Variants in AGO4 observed in about 807,000 individuals in gnomAD.
The protein encoded by AGO4 is argonaute RISC component 4, also known as protein argonaute-4.
A neutral mutation model predicts 104.7 loss-of-function variants in AGO4; 33 were observed. The observed-to-expected ratio is 0.32, with a 90% CI of 0.24 to 0.42. The LOEUF (loss-of-function observed/expected upper bound fraction) is 0.42. Among genes scored for constraint, AGO4 ranks in the 10% least tolerant of loss-of-function variants. AGO4 has a pLI of 1.00. For missense variants in AGO4, 711 were observed against 1,083.4 expected (o/e 0.66, Z 4.83); for synonymous variants, 331 against 364.7 (o/e 0.91, Z 1.05).
At chr1:35,852,060 G>A (rs1196853117) in intron 17 of AGO4, among the ~76,000 whole-genome samples, 1 of 152,196 alleles carries the variant, frequency 6.6e-6, no homozygotes, top group Non-Finnish European at 1.5e-5. Context: ...AATTTTCAGG[G>A]CAGAGAGAAC....
At chr1:35,845,854 C>G (rs1470024328) in intron 15 of AGO4, among the ~76,000 whole-genome samples, 3 of 152,208 alleles carry the variant, frequency 2.0e-5, no homozygotes, top group African/African-American at 7.2e-5. Context: ...CATTGTGGCT[C>G]TGCTGCAGCT....
intron 13 of AGO4, among the ~76,000 whole-genome samples, chr1:35,836,273 A>T (rs1250328737): frequency 6.6e-6 from 1 of 152,216 alleles, no homozygotes; most frequent in Non-Finnish European, 1.5e-5. Context: ...ATATAAATGG[A>T]ATCATGCAGG....
chr1:35,812,483 A>G (rs1178366909), intron 1 of AGO4, among the ~76,000 whole-genome samples: 1 of 152,180 alleles, frequency 6.6e-6, no homozygotes, highest in East Asian at 1.9e-4. Flanking sequence ...GAGTTAGGAG[A>G]TTTGGATTCT....
intron 7 of AGO4, 44 bp from the exon 8 acceptor site, chr1:35,831,383 A>G (rs1644181249): frequency 6.4e-7 from 1 of 1,550,934 alleles, no homozygotes; most frequent in Non-Finnish European, 8.7e-7. Context: ...GAAGAAAAGA[A>G]AGAACTTGAA....
At chr1:35,819,317 C>A (rs894826999) in intron 2 of AGO4, among the ~76,000 whole-genome samples, 1 of 151,700 alleles carries the variant, frequency 6.6e-6, no homozygotes, top group Non-Finnish European at 1.5e-5. Context: ...TAGTGGAGAT[C>A]GGCTGTGGTA....
chr1:35,814,561 A>C (rs1643628510), intron 1 of AGO4, among the ~76,000 whole-genome samples: 2 of 148,490 alleles, frequency 1.3e-5, no homozygotes, highest in South Asian at 4.2e-4. Context: ...CGGTGTTTAT[A>C]AGAGTTTGCA....
chr1:35,824,802 A>G (rs1643971783), intron 3 of AGO4, among the ~76,000 whole-genome samples: 2 of 152,128 alleles, frequency 1.3e-5, no homozygotes, highest in Non-Finnish European at 2.9e-5. Flanking sequence ...CCCTGTCTCA[A>G]AAAAAACTTA....
Position 35,808,420 on chromosome 1 carries a change from G to A in AGO4, c.4G>A (p.Glu2Lys). M[E>K]ALGPGPPASL... ...CGAGGCGGCCCCCGCCGCCGCCATGGAGGCGCTGGGACCCGGTGAGGAGCG... is the reference window on the plus strand; with the variant it reads ...CGAGGCGGCCCCCGCCGCCGCCATGAAGGCGCTGGGACCCGGTGAGGAGCG... Residue 2 changes from glutamate (E) to lysine (K), a missense_variant, in exon 1 of 18, where the codon GAG becomes AAG. By Grantham distance (56) the Glu-to-Lys change is moderately conservative (BLOSUM62 1). Transcript: ENST00000373210. The surrounding 1 kb of genome is among the most constrained non-coding windows in gnomAD (Gnocchi z 5.2). The A allele has an allele frequency of 8.6e-7, 1 of 1,161,488 alleles. No individual in the cohort carries two copies. The highest frequency in any genetic ancestry group is 1.6e-5 in the African/African-American group (1 of 61,616). The allele number at this position is 1,161,488 out of a possible 1,614,324, so 71.9% of individuals were successfully genotyped here. A position where few individuals can be genotyped will look rare whatever the true frequency, so the allele number is the denominator to read the frequency against.
intron 2 of AGO4, among the ~76,000 whole-genome samples, chr1:35,820,797 G>A (rs571596259): frequency 6.6e-6 from 1 of 152,266 alleles, no homozygotes; most frequent in South Asian, 2.1e-4. Flanking sequence ...GAGCAGATCA[G>A]AGTACAAAGG....
At chr1:35,821,994 T>A (rs541384359) in intron 2 of AGO4, among the ~76,000 whole-genome samples, 2 of 152,066 alleles carry the variant, frequency 1.3e-5, no homozygotes, top group South Asian at 2.1e-4. Flanking sequence ...TTCAAGCGAT[T>A]CTCGTGCCTC....
At chr1:35,844,410 A>T (rs878986749) in intron 15 of AGO4, among the ~76,000 whole-genome samples, 2 of 152,104 alleles carry the variant, frequency 1.3e-5, no homozygotes, top group Non-Finnish European at 2.9e-5. Context: ...CAGGCCTTGG[A>T]TGCTGCCGTT....
chr1:35,837,248 A>C (rs1280354024), intron 13 of AGO4, among the ~76,000 whole-genome samples: 1 of 151,418 alleles, frequency 6.6e-6, no homozygotes, highest in Non-Finnish European at 1.5e-5. Flanking sequence ...ATGCCCCACT[A>C]TTTTTTTGTA....
At chr1:35,836,496 G>A (rs961898489) in intron 13 of AGO4, among the ~76,000 whole-genome samples, 5 of 152,156 alleles carry the variant, frequency 3.3e-5, no homozygotes, top group East Asian at 3.8e-4. Context: ...TGCAAGCTCC[G>A]CCTCCCGGGT....
chr1:35,815,249 T>G (rs1643654859), intron 1 of AGO4, among the ~76,000 whole-genome samples: 1 of 152,226 alleles, frequency 6.6e-6, no homozygotes, highest in African/African-American at 2.4e-5. Flanking sequence ...GCCATTGCAG[T>G]AACAGAACCT....
At chr1:35,838,467 G>A (rs941105464) in intron 13 of AGO4, among the ~76,000 whole-genome samples, 10 of 151,692 alleles carry the variant, frequency 6.6e-5, no homozygotes, top group African/African-American at 1.7e-4. Flanking sequence ...AATTATAGAC[G>A]TGAGCCACCA....
At chr1:35,839,005 G>A (rs1336812429) in intron 13 of AGO4, among the ~76,000 whole-genome samples, 1 of 151,674 alleles carries the variant, frequency 6.6e-6, no homozygotes, top group African/African-American at 2.4e-5. Context: ...TTTTGAGACA[G>A]TGTCTCACTT....
chr1:35,832,357 A>C, intron 10 of AGO4, 80 bp from the exon 11 acceptor site: 1 of 1,498,592 alleles, frequency 6.7e-7, no homozygotes. Context: ...GTCAATAGTA[A>C]AATGGCCTTA....
At chr1:35,839,196 G>T (rs187386640) in intron 13 of AGO4, among the ~76,000 whole-genome samples, 24 of 151,984 alleles carry the variant, frequency 1.6e-4, no homozygotes, top group African/African-American at 5.3e-4. Flanking sequence ...TGCCCACACT[G>T]GTCTCAAACT....
chr1:35,815,138 G>A (rs1004087312), intron 1 of AGO4, among the ~76,000 whole-genome samples: 1 of 152,026 alleles, frequency 6.6e-6, no homozygotes, highest in South Asian at 2.1e-4. Context: ...TTGGCCTCCC[G>A]AAGTGCTGGG....
Sources: allele counts gnomAD v4.1 joint callset (sites outside exome capture counted in the v4.1 genomes callset), GRCh38; gene constraint gnomAD v4.1.1; non-coding constraint Gnocchi (gnomAD v3.1); transcripts MANE v1.5; gene names NCBI Gene and HGNC (gene_info 2026-07-23, HGNC 2026-07-21).